PLCB4: variants seen among roughly 807,000 people sequenced by gnomAD.
PLCB4 encodes phospholipase C beta 4.
In PLCB4, 77 loss-of-function variants were observed where a neutral mutation model predicts 178.8. The ratio of observed to expected loss-of-function variants is 0.43; its 90% CI spans 0.36 to 0.52. The LOEUF is 0.52. Among genes scored for constraint, PLCB4 ranks in the 20% least tolerant of loss-of-function variants. PLCB4 has a pLI of 0.00. For synonymous variants in PLCB4, 496 were observed against 490.8 expected (o/e 1.01, Z -0.14); for missense variants, 1,024 against 1,453.4 (o/e 0.70, Z 4.80).
intron 4 of PLCB4, among the ~76,000 whole-genome samples, chr20:9,326,274 C>T (rs1204222951): frequency 6.6e-6 from 1 of 152,114 alleles, no homozygotes; most frequent in African/African-American, 2.4e-5. Flanking sequence ...TGTTTCTTTT[C>T]AATAGCCTTC....
At chr20:9,265,146 A>G (rs906386295) in intron 3 of PLCB4, among the ~76,000 whole-genome samples, 1 of 152,114 alleles carries the variant, frequency 6.6e-6, no homozygotes, top group African/African-American at 2.4e-5. Context: ...GTGTTGTAGT[A>G]TTAGGGACCA....
intron 14 of PLCB4, among the ~76,000 whole-genome samples, chr20:9,387,252 TCTCA>T (rs1449946653): frequency 2.0e-5 from 3 of 152,188 alleles, no homozygotes; most frequent in Non-Finnish European, 2.9e-5. Context: ...AGTCTCTTAA[TCTCA>T]CTCAGACAAT....
chr20:9,387,431 G>A (rs2037771135), intron 14 of PLCB4, 32 bp from the exon 15 acceptor site: 1 of 1,077,336 alleles, frequency 9.3e-7, no homozygotes, highest in Non-Finnish European at 1.4e-6. Flanking sequence ...TCATTGTAAA[G>A]TTTCAATATT....
At chr20:9,244,277 G>C (rs1269560630) in intron 3 of PLCB4, among the ~76,000 whole-genome samples, 1 of 152,122 alleles carries the variant, frequency 6.6e-6, no homozygotes, top group Non-Finnish European at 1.5e-5. Flanking sequence ...TTAAAAAGCT[G>C]TAAGAGAATA....
chr20:9,264,854 C>T (rs2147575380), intron 3 of PLCB4, among the ~76,000 whole-genome samples: 1 of 152,224 alleles, frequency 6.6e-6, no homozygotes, highest in Admixed American at 6.5e-5. Context: ...CCTTCCCTCC[C>T]CTGAGATTCT....
intron 2 of PLCB4, among the ~76,000 whole-genome samples, chr20:9,108,466 G>GGA (rs1272354268): frequency 2.6e-5 from 4 of 152,024 alleles, no homozygotes; most frequent in Admixed American, 6.6e-5. Context: ...AATCAGAGGG[G>GGA]CTGTCAAAGA....
At chr20:9,321,618 C>CT (rs1402249614) in intron 4 of PLCB4, among the ~76,000 whole-genome samples, 2 of 151,894 alleles carry the variant, frequency 1.3e-5, no homozygotes, top group African/African-American at 2.4e-5. Flanking sequence ...TTTACCAGGG[C>CT]TTTTTTAGGT....
At chr20:9,316,683 T>G (rs2094902798) in intron 4 of PLCB4, among the ~76,000 whole-genome samples, 1 of 152,224 alleles carries the variant, frequency 6.6e-6, no homozygotes, top group Non-Finnish European at 1.5e-5. Context: ...CACAGCTGTG[T>G]GACTTCTTCC....
intron 1 of PLCB4, among the ~76,000 whole-genome samples, chr20:9,090,578 C>T (rs1009588326): frequency 4.1e-4 from 60 of 147,776 alleles, no homozygotes; most frequent in African/African-American, 1.3e-3. Context: ...TTGCAGAATA[C>T]TCTGTGTTAC....
intron 2 of PLCB4, among the ~76,000 whole-genome samples, chr20:9,180,770 A>G (rs950249195): frequency 6.6e-6 from 1 of 152,114 alleles, no homozygotes; most frequent in Non-Finnish European, 1.5e-5. Context: ...TTGCAAGAAA[A>G]AGCTCCTCAG....
At chr20:9,449,225 G>A (rs2042599581) in intron 32 of PLCB4, among the ~76,000 whole-genome samples, 1 of 152,174 alleles carries the variant, frequency 6.6e-6, no homozygotes, top group Non-Finnish European at 1.5e-5. Context: ...CAGAGCTGCA[G>A]TTACTTTCAT....
intron 25 of PLCB4, among the ~76,000 whole-genome samples, chr20:9,415,494 A>G (rs773943261): frequency 6.4e-4 from 98 of 152,190 alleles, no homozygotes; most frequent in East Asian, 7.7e-4. Context: ...TTATGACCCC[A>G]TTTTCTCATT....
At position 9,353,732 on chromosome 20, in the gene PLCB4, C is replaced by T. The variant is rs138694730; in HGVS notation, c.370-9164C>T. The stretch of plus-strand genomic sequence containing the variant: ...GGAATGGGGACTCAGGCTTTGGGAA[C>T]GCTGGCCCTTAGCCTCTGGCTCCTC... On this transcript the variant is annotated intron_variant, in intron 7 of 39. Coordinates refer to ENST00000378473, the MANE Select transcript of PLCB4 (RefSeq NM_001377142.1). 1.1e-3 allele frequency among the ~76,000 whole-genome samples: 161 copies of T among 152,318 alleles called. 2 individuals carry two copies. In the Middle Eastern group the frequency reaches 0.014, roughly 13 times the overall value.
intron 32 of PLCB4, among the ~76,000 whole-genome samples, chr20:9,445,245 G>A (rs983578386): frequency 6.6e-6 from 1 of 152,206 alleles, no homozygotes; most frequent in African/African-American, 2.4e-5. Flanking sequence ...CTGCTGGTAG[G>A]ATAATGTCTG....
intron 2 of PLCB4, among the ~76,000 whole-genome samples, chr20:9,137,908 C>T (rs1270968397): frequency 1.3e-5 from 2 of 152,036 alleles, no homozygotes; most frequent in African/African-American, 4.8e-5. Flanking sequence ...GATATTTGAT[C>T]ATTGCTTTCA....
At chr20:9,317,799 G>A (rs2147938062) in intron 4 of PLCB4, among the ~76,000 whole-genome samples, 1 of 152,298 alleles carries the variant, frequency 6.6e-6, no homozygotes, top group Middle Eastern at 3.4e-3. Context: ...ACATGGCATT[G>A]TAGTAAAGAA....
At chr20:9,410,011 G>A (rs936304764) in intron 24 of PLCB4, among the ~76,000 whole-genome samples, 5 of 152,166 alleles carry the variant, frequency 3.3e-5, no homozygotes, top group African/African-American at 1.2e-4. Flanking sequence ...TTGCTATTAA[G>A]AGAACTGCCC....
intron 2 of PLCB4, among the ~76,000 whole-genome samples, chr20:9,113,821 C>G (rs2091678917): frequency 6.6e-6 from 1 of 152,046 alleles, no homozygotes. Flanking sequence ...AATAGAATGC[C>G]AAACAAATTG....
chr20:9,437,315 C>T (rs1279024107), intron 30 of PLCB4, among the ~76,000 whole-genome samples, 163 bp downstream of exon 30: 2 of 152,202 alleles, frequency 1.3e-5, no homozygotes, highest in Non-Finnish European at 2.9e-5. Context: ...TCCAGACCCT[C>T]CCATAGGTAG....
Sources: gnomAD v4.1 joint callset for allele counts (sites outside exome capture counted in the v4.1 genomes callset) on GRCh38, gnomAD v4.1.1 for gene constraint, MANE v1.5 for transcripts, NCBI Gene and HGNC (gene_info 2026-07-23, HGNC 2026-07-21) for gene names.